The following RBMS3 variants were observed in gnomAD, a reference collection of about 807,000 sequenced individuals.
The protein encoded by RBMS3 is RNA binding motif single stranded interacting protein 3.
Under a neutral mutation model 66.8 loss-of-function variants are expected in RBMS3, and 27 were observed. The ratio of observed to expected loss-of-function variants is 0.40; its 90% CI spans 0.30 to 0.56. The LOEUF is 0.56. Ranked by LOEUF, RBMS3 falls within the 20% of genes least tolerant of loss-of-function variation. The probability of loss-of-function intolerance (pLI) is 0.40; values close to 1 mark genes in which losing one functional copy is unlikely to be tolerated. For missense variants in RBMS3, 513 were observed against 549.5 expected, an observed-to-expected ratio of 0.93 and a Z score of 0.66; for synonymous variants, 188 against 183.0, an observed-to-expected ratio of 1.03 and a Z score of -0.22.
At chr3:29,818,031 G>T (rs983483445) in intron 6 of RBMS3, among the ~76,000 whole-genome samples, 6 of 151,996 alleles carry the variant, frequency 3.9e-5, no homozygotes, top group Non-Finnish European at 8.8e-5. Context: ...CAATGTTTCA[G>T]CAATCTTCTA....
intron 1 of RBMS3, among the ~76,000 whole-genome samples, chr3:29,331,966 A>G (rs377180777): frequency 3.0e-4 from 45 of 151,892 alleles, no homozygotes; most frequent in African/African-American, 1.0e-3. Flanking sequence ...TGGACTGTGA[A>G]CTCTTTGGGG....
At chr3:29,988,847 CA>C (rs1387533643) in intron 13 of RBMS3, among the ~76,000 whole-genome samples, 1 of 152,146 alleles carries the variant, frequency 6.6e-6, no homozygotes, top group Non-Finnish European at 1.5e-5. Context: ...TCTGAATTTG[CA>C]TTTTAAGATG....
chr3:29,985,000 C>T (rs982333841), intron 12 of RBMS3, among the ~76,000 whole-genome samples: 1 of 152,212 alleles, frequency 6.6e-6, no homozygotes, highest in African/African-American at 2.4e-5. Flanking sequence ...GCGCCCACAG[C>T]CACTCATACC....
rs142413442 is a variant in RBMS3 at position 29,988,735 on chromosome 3, T to A, written c.1179+512T>A. On this transcript the variant is annotated intron_variant, in intron 13 of 14. Transcript: ENST00000383767. ...ACCAGAAGTTCGAGACCAGCCTGGGTCAAACAGTCAAACAGTGAGACCCTG... is the reference window on the plus strand; with the variant it reads ...ACCAGAAGTTCGAGACCAGCCTGGGACAAACAGTCAAACAGTGAGACCCTG... Among the ~76,000 whole-genome samples, 4 of 151,626 alleles carry A rather than the reference T, an allele frequency of 2.6e-5. No homozygotes were observed. The East Asian group carries it at 8.0e-4, about 30-fold the overall frequency.
chr3:29,663,827 G>A (rs1454613643), intron 4 of RBMS3, among the ~76,000 whole-genome samples: 1 of 152,182 alleles, frequency 6.6e-6, no homozygotes, highest in Non-Finnish European at 1.5e-5. Flanking sequence ...GCCCTTGGAA[G>A]TAAAGTTTTG....
chr3:29,343,036 T>A (rs2036366697), intron 1 of RBMS3, among the ~76,000 whole-genome samples: 1 of 152,176 alleles, frequency 6.6e-6, no homozygotes. Context: ...ATATAGTTGC[T>A]ATTCAGTAGG....
At chr3:29,589,027 A>C (rs984238955) in intron 4 of RBMS3, among the ~76,000 whole-genome samples, 1 of 152,142 alleles carries the variant, frequency 6.6e-6, no homozygotes, top group Non-Finnish European at 1.5e-5. Flanking sequence ...TAATGAAAAC[A>C]GCATGCATAA....
intron 1 of RBMS3, among the ~76,000 whole-genome samples, chr3:29,412,604 C>T (rs2040311693): frequency 6.6e-6 from 1 of 152,142 alleles, no homozygotes; most frequent in Non-Finnish European, 1.5e-5. Context: ...AATTCACCTT[C>T]CAGCCAAAGA....
At chr3:29,993,651 TGACTGCTA>T (rs1225488484) in intron 14 of RBMS3, among the ~76,000 whole-genome samples, 1 of 152,182 alleles carries the variant, frequency 6.6e-6, no homozygotes, top group Admixed American at 6.5e-5. Context: ...TCCTGTTACT[TGACTGCTA>T]GAGCTAGGAC....
At chr3:29,827,258 T>A (rs955590914) in intron 6 of RBMS3, among the ~76,000 whole-genome samples, 2 of 152,188 alleles carry the variant, frequency 1.3e-5, no homozygotes, top group African/African-American at 4.8e-5. Flanking sequence ...CATTCTAATT[T>A]GAGCTGCCAT....
At chr3:29,904,148 C>T (rs754273411) in intron 10 of RBMS3, among the ~76,000 whole-genome samples, 21 of 151,800 alleles carry the variant, frequency 1.4e-4, no homozygotes, top group African/African-American at 2.7e-4. Context: ...CAAAATTTTA[C>T]GGTAATTTTT....
chr3:29,474,980 G>A (rs1249724139), intron 2 of RBMS3, among the ~76,000 whole-genome samples: 1 of 152,118 alleles, frequency 6.6e-6, no homozygotes, highest in African/African-American at 2.4e-5. Context: ...AACTGATATA[G>A]TATAAATAAG....
rs544141535 is a variant in RBMS3 at position 29,698,790 on chromosome 3, T to C, written c.400-40930T>C. ...TATTTTTAATTATTGTTTTGACCCA[T>C]TGGATGTAATTACACATTTTTTGTT... On this transcript the variant is annotated intron_variant, in intron 4 of 14. Coordinates refer to ENST00000383767, the MANE Select transcript of RBMS3 (RefSeq NM_001003793.3). Among the ~76,000 whole-genome samples the C allele has an allele frequency of 4.6e-5, 7 of 152,296 alleles. No individual in the cohort carries two copies. In the South Asian group the frequency reaches 1.5e-3, roughly 32 times the overall value.
chr3:29,393,564 A>G (rs2039406180), intron 1 of RBMS3, among the ~76,000 whole-genome samples: 1 of 152,226 alleles, frequency 6.6e-6, no homozygotes, highest in African/African-American at 2.4e-5. Context: ...GGCTTATGAC[A>G]TAGGACAAAA....
intron 6 of RBMS3, among the ~76,000 whole-genome samples, chr3:29,864,317 C>T (rs753930425): frequency 4.6e-5 from 7 of 152,046 alleles, no homozygotes; most frequent in Non-Finnish European, 1.0e-4. Flanking sequence ...TGGAGGTTAA[C>T]GCAGATAATA....
intron 6 of RBMS3, among the ~76,000 whole-genome samples, chr3:29,845,654 A>G (rs1389748780): frequency 6.6e-6 from 1 of 152,242 alleles, no homozygotes; most frequent in Non-Finnish European, 1.5e-5. Context: ...CAGATAAACA[A>G]TGGACAAAAT....
chr3:29,395,770 G>T (rs1175674849), intron 1 of RBMS3, among the ~76,000 whole-genome samples: 1 of 152,120 alleles, frequency 6.6e-6, no homozygotes, highest in Admixed American at 6.6e-5. Context: ...TTCAGAGAAG[G>T]TCAGTGACTT....
intron 2 of RBMS3, among the ~76,000 whole-genome samples, chr3:29,474,699 G>T (rs140069581): frequency 3.9e-5 from 6 of 152,334 alleles, no homozygotes; most frequent in African/African-American, 1.4e-4. Context: ...ACGAAGAGGC[G>T]TACTGGTCTA....
chr3:29,311,906 C>G (rs917044870), intron 1 of RBMS3, among the ~76,000 whole-genome samples: 1 of 151,774 alleles, frequency 6.6e-6, no homozygotes. Context: ...CTTAGAGAGG[C>G]CTTGGTTTCC....
Sources: allele counts gnomAD v4.1 joint callset (sites outside exome capture counted in the v4.1 genomes callset), GRCh38; gene constraint gnomAD v4.1.1; transcripts MANE v1.5; gene names NCBI Gene and HGNC (gene_info 2026-07-23, HGNC 2026-07-21).